The following EVI5 variants were observed in gnomAD, a reference collection of about 807,000 sequenced individuals.
The protein encoded by EVI5 is ecotropic viral integration site 5.
EVI5 carries 73 observed loss-of-function variants against 112.0 expected under a neutral mutation model. The observed-to-expected ratio is 0.65, with a 90% CI of 0.54 to 0.79. The LOEUF is 0.79. EVI5 is among the 30% of genes least tolerant of loss of function. The pLI, the probability that EVI5 is intolerant of heterozygous loss-of-function variation, is 0.00. For missense variants in EVI5, 900 were observed against 968.8 expected, an observed-to-expected ratio of 0.93 and a Z score of 0.94; for synonymous variants, 305 against 319.9, an observed-to-expected ratio of 0.95 and a Z score of 0.50.
intron 2 of EVI5, among the ~76,000 whole-genome samples, chr1:92,716,844 A>G (rs896086929): frequency 8.8e-5 from 12 of 136,756 alleles, no homozygotes; most frequent in Non-Finnish European, 1.9e-4. Context: ...TCAATAGCCA[A>G]TTCGATTCTA....
chr1:92,634,412 G>A (rs1006441480), intron 14 of EVI5, among the ~76,000 whole-genome samples: 2 of 151,680 alleles, frequency 1.3e-5, no homozygotes, highest in East Asian at 3.9e-4. Context: ...TTCTCTTCTC[G>A]CTTCATTTCA....
intron 13 of EVI5, among the ~76,000 whole-genome samples, chr1:92,654,996 C>T (rs370567407): frequency 4.6e-5 from 7 of 151,982 alleles, no homozygotes; most frequent in Admixed American, 4.6e-4. Flanking sequence ...ATGTCTAAAC[C>T]TACAAGTCAT....
At chr1:92,753,691 G>C (rs1483011074) in intron 1 of EVI5, among the ~76,000 whole-genome samples, 5 of 151,988 alleles carry the variant, frequency 3.3e-5, no homozygotes, top group African/African-American at 1.2e-4. Context: ...CAGGTTACAA[G>C]AACTAAAAAG....
chr1:92,633,937 T>C (rs1658086360), intron 14 of EVI5, among the ~76,000 whole-genome samples: 3 of 152,242 alleles, frequency 2.0e-5, no homozygotes, highest in African/African-American at 2.4e-5. Context: ...CCTTCACTTA[T>C]GAAGCTTAGT....
chr1:92,663,400 A>C lies in EVI5; in HGVS notation c.1245+20T>G, dbSNP rs771381625. 1 of 1,355,324 alleles carries C rather than the reference A, an allele frequency of 7.4e-7. No homozygotes were observed. The highest frequency in any genetic ancestry group is 1.5e-5 in the South Asian group (1 of 66,884). The allele number at this position is 1,355,324 out of a possible 1,614,324, so 84.0% of individuals were successfully genotyped here. On this transcript the variant is annotated intron_variant, in intron 12 of 19. Coordinates refer to ENST00000684568, the MANE Select transcript of EVI5 (RefSeq NM_001350197.2). ...TTAGAGAAGATGTTTTAAAAAACTA[A>C]AACAAAACAAAAACTATACCTGTAT...
At chr1:92,573,547 G>C (rs1350518863) in intron 18 of EVI5, among the ~76,000 whole-genome samples, 6 of 151,994 alleles carry the variant, frequency 3.9e-5, no homozygotes, top group Non-Finnish European at 8.8e-5. Flanking sequence ...CCATGACCAA[G>C]GCTCACACAC....
At chr1:92,747,001 A>G (rs985486613) in intron 1 of EVI5, among the ~76,000 whole-genome samples, 1 of 152,202 alleles carries the variant, frequency 6.6e-6, no homozygotes, top group African/African-American at 2.4e-5. Flanking sequence ...AAGCTATAGA[A>G]TAATTTTTAT....
intron 1 of EVI5, among the ~76,000 whole-genome samples, chr1:92,751,484 C>T (rs2102926422): frequency 6.6e-6 from 1 of 152,284 alleles, no homozygotes; most frequent in East Asian, 1.9e-4. Context: ...TGCTCTACAC[C>T]TGGTACACAA....
At chr1:92,547,312 C>T (rs57080565) in intron 19 of EVI5, among the ~76,000 whole-genome samples, 3,202 of 152,254 alleles carry the variant, frequency 0.021, 99 homozygotes, top group African/African-American at 0.068. Flanking sequence ...AGAACAAAGA[C>T]ACAACATACC....
At chr1:92,690,229 T>C (rs1392775196) in intron 9 of EVI5, among the ~76,000 whole-genome samples, 1 of 152,046 alleles carries the variant, frequency 6.6e-6, no homozygotes, top group Non-Finnish European at 1.5e-5. Flanking sequence ...TTAGCTGCAG[T>C]TAAAGAAGAA....
intron 1 of EVI5, among the ~76,000 whole-genome samples, chr1:92,777,201 G>C (rs1684259343): frequency 6.6e-6 from 1 of 152,296 alleles, no homozygotes; most frequent in African/African-American, 2.4e-5. Flanking sequence ...GACTCCCAAA[G>C]TGCTGGGATT....
intron 19 of EVI5, among the ~76,000 whole-genome samples, chr1:92,561,658 TATCTATCA>T (rs751068566): frequency 0.049 from 6,563 of 134,238 alleles, 163 homozygotes; most frequent in Non-Finnish European, 0.051. Context: ...TCTATCTATC[TATCTATCA>T]GAGTCTCACT....
chr1:92,750,901 A>G (rs1332610822), intron 1 of EVI5, among the ~76,000 whole-genome samples: 1 of 152,226 alleles, frequency 6.6e-6, no homozygotes, highest in Non-Finnish European at 1.5e-5. Context: ...CTGTAATCCC[A>G]GCACTTTGGG....
intron 18 of EVI5, among the ~76,000 whole-genome samples, chr1:92,590,117 G>A (rs909713937): frequency 2.0e-5 from 3 of 151,876 alleles, no homozygotes; most frequent in Admixed American, 1.3e-4. Flanking sequence ...CCATCTGTAC[G>A]TCACCATCAT....
chr1:92,575,772 C>T (rs1021031018), intron 18 of EVI5, among the ~76,000 whole-genome samples: 3 of 151,858 alleles, frequency 2.0e-5, no homozygotes, highest in East Asian at 1.9e-4. Flanking sequence ...CCATGTTGGC[C>T]GGGCTGGTCT....
intron 2 of EVI5, among the ~76,000 whole-genome samples, chr1:92,730,423 C>T (rs1676265069): frequency 6.6e-6 from 1 of 151,916 alleles, no homozygotes; most frequent in African/African-American, 2.4e-5. Context: ...CAGTGGTTCA[C>T]GCCTGTAATC....
intron 10 of EVI5, among the ~76,000 whole-genome samples, chr1:92,675,529 TTCCCCA>T (rs916154070): frequency 5.0e-4 from 76 of 152,266 alleles, no homozygotes; most frequent in African/African-American, 1.7e-3. Flanking sequence ...ACAGGATGGC[TTCCCCA>T]TCCTCAGATT....
At chr1:92,538,952 T>C (rs1229853719) in intron 19 of EVI5, among the ~76,000 whole-genome samples, 1 of 152,210 alleles carries the variant, frequency 6.6e-6, no homozygotes, top group African/African-American at 2.4e-5. Context: ...AAGAATCTTA[T>C]GCCATGTTAA....
At chr1:92,756,467 A>G in intron 1 of EVI5, 1 of 539,748 alleles carries the variant, frequency 1.9e-6, no homozygotes, top group Non-Finnish European at 3.8e-6. Context: ...TCTTTCTCCA[A>G]CATGGCCTAC....
Sources: gnomAD v4.1 joint callset for allele counts (sites outside exome capture counted in the v4.1 genomes callset) on GRCh38, gnomAD v4.1.1 for gene constraint, MANE v1.5 for transcripts, NCBI Gene and HGNC (gene_info 2026-07-23, HGNC 2026-07-21) for gene names.